Variants in DPY19L4 observed in about 807,000 individuals in gnomAD.
DPY19L4 encodes probable C-mannosyltransferase DPY19L4.
DPY19L4 carries 97 observed loss-of-function variants against 102.8 expected under a neutral mutation model. The ratio of observed to expected loss-of-function variants is 0.94; its 90% CI spans 0.80 to 1.12. The LOEUF (loss-of-function observed/expected upper bound fraction) is 1.12, where lower values mean the gene tolerates loss of function less well. DPY19L4 is among the 50% of genes most tolerant of loss of function. The pLI, the probability that DPY19L4 is intolerant of heterozygous loss-of-function variation, is 0.00. For missense variants in DPY19L4, 815 were observed against 850.4 expected (o/e 0.96, Z 0.52); for synonymous variants, 252 against 283.1 (o/e 0.89, Z 1.10).
At chr8:94,737,151 G>A (rs1490702415) in intron 3 of DPY19L4, among the ~76,000 whole-genome samples, 1 of 152,062 alleles carries the variant, frequency 6.6e-6, no homozygotes, top group Non-Finnish European at 1.5e-5. Flanking sequence ...TGGAAGGTGA[G>A]GAGGGAGACA....
chr8:94,770,237 C>T (rs1200790866), intron 12 of DPY19L4, among the ~76,000 whole-genome samples: 1 of 152,046 alleles, frequency 6.6e-6, no homozygotes, highest in African/African-American at 2.4e-5. Context: ...AGTTTGTTGT[C>T]TTCAGGTTCT....
chr8:94,748,477 T>A (rs1167520663), intron 6 of DPY19L4, among the ~76,000 whole-genome samples: 3 of 152,090 alleles, frequency 2.0e-5, no homozygotes, highest in Admixed American at 6.6e-5. Flanking sequence ...TTCAAAAAAA[T>A]TTTTTGGGAT....
chr8:94,742,163 C>T (rs548195250), intron 6 of DPY19L4, among the ~76,000 whole-genome samples: 8 of 152,110 alleles, frequency 5.3e-5, no homozygotes, highest in African/African-American at 1.4e-4. Flanking sequence ...TAGAGACCAT[C>T]CTGGCTAACA....
intron 6 of DPY19L4, among the ~76,000 whole-genome samples, chr8:94,741,589 GTTCTC>G (rs1811446281): frequency 6.6e-6 from 1 of 152,080 alleles, no homozygotes; most frequent in Admixed American, 6.6e-5. Flanking sequence ...TGATTCTGGT[GTTCTC>G]TTTTCTAAGC....
intron 17 of DPY19L4, among the ~76,000 whole-genome samples, chr8:94,785,655 T>C (rs561708087): frequency 1.3e-5 from 2 of 152,146 alleles, no homozygotes; most frequent in Non-Finnish European, 2.9e-5. Flanking sequence ...GGAGAGTTAA[T>C]TATGGTCATG....
chr8:94,788,183 A>G, intron 18 of DPY19L4, 131 bp downstream of exon 18: 1 of 419,852 alleles, frequency 2.4e-6, no homozygotes, highest in Non-Finnish European at 3.5e-6. Flanking sequence ...GTTATGTAAT[A>G]ATGGGGAAAG....
chr8:94,721,999 C>A (rs1169459028), intron 1 of DPY19L4, among the ~76,000 whole-genome samples: 2 of 152,038 alleles, frequency 1.3e-5, no homozygotes, highest in East Asian at 3.9e-4. Context: ...GTCCCAGCTA[C>A]TCAGGAGGCT....
chr8:94,774,300 A>G (rs6996787), intron 13 of DPY19L4, among the ~76,000 whole-genome samples: 18,514 of 151,022 alleles, frequency 0.12, 1,267 homozygotes, highest in Non-Finnish European at 0.15. Flanking sequence ...TCCCACCTCA[A>G]CCTCCCAAAG....
intron 14 of DPY19L4, 89 bp from the exon 15 acceptor site, chr8:94,780,270 T>G (rs926641229): frequency 2.0e-6 from 2 of 1,006,992 alleles, no homozygotes; most frequent in African/African-American, 1.6e-5. Context: ...TATAGAGATA[T>G]ATGATTGGTC....
In DPY19L4 at chr8:94,726,414, A is replaced by G. The variant is rs1205107026; in HGVS notation, c.100A>G (p.Ile34Val). The change falls in exon 2 of 19, where the codon ATT becomes GTT. Residue 34 changes from isoleucine (I) to valine (V), a missense_variant. Transcript: ENST00000414645. ...TGCCAAAGAAGAGAAAATCAGTGAC[A>G]TTCCAATTCCTGAAAGAGCTCCAAA... is the stretch of plus-strand genomic sequence containing the variant. ...ESAKEEKISD[I>V]PIPERAPKHV... 3.7e-6 allele frequency: 6 copies of G among 1,609,408 alleles called. No individual in the cohort carries two copies. In the Admixed American group the frequency reaches 5.1e-5, roughly 14 times the overall value.
At chr8:94,750,148 G>T (rs1363956009) in intron 6 of DPY19L4, among the ~76,000 whole-genome samples, 2 of 152,260 alleles carry the variant, frequency 1.3e-5, no homozygotes, top group East Asian at 3.9e-4. Flanking sequence ...TAGAGATGGG[G>T]TTTCATCATG....
At chr8:94,772,863 A>G (rs1812991171) in intron 13 of DPY19L4, among the ~76,000 whole-genome samples, 1 of 152,222 alleles carries the variant, frequency 6.6e-6, no homozygotes, top group Non-Finnish European at 1.5e-5. Flanking sequence ...TTTTTAGGCA[A>G]GGTTAATCCT....
In DPY19L4 at chr8:94,738,348, A is replaced by G. The variant is rs201216457; in HGVS notation, c.253-21A>G. On this transcript the variant is annotated intron_variant, in intron 3 of 18. Transcript: ENST00000414645. ...AAAAAAAAAAAATTAAATTTTAAAT[A>G]ATAATTTCATTTTCTTTTAGGAGCT... is the stretch of plus-strand genomic sequence containing the variant. 47 of 1,402,118 alleles carry G rather than the reference A, an allele frequency of 3.4e-5. No individual in the cohort carries two copies. In the Admixed American group the frequency reaches 1.1e-3, roughly 34 times the overall value. The allele number at this position is 1,402,118 out of a possible 1,614,324, so 86.9% of individuals were successfully genotyped here.
intron 13 of DPY19L4, 46 bp from the exon 14 acceptor site, chr8:94,777,617 AATG>A: frequency 6.4e-7 from 1 of 1,566,256 alleles, no homozygotes; most frequent in Non-Finnish European, 8.7e-7. Flanking sequence ...ATTAGATAAT[AATG>A]ATGTTCACAG....
At chr8:94,739,847 G>C in intron 6 of DPY19L4, 57 bp downstream of exon 6, 1 of 1,583,776 alleles carries the variant, frequency 6.3e-7, no homozygotes, top group Non-Finnish European at 8.5e-7. Flanking sequence ...AGTAGTCAGA[G>C]TTCTGAAAAT....
At chr8:94,771,596 A>G (rs7459539) in intron 13 of DPY19L4, among the ~76,000 whole-genome samples, 17,705 of 152,284 alleles carry the variant, frequency 0.12, 1,182 homozygotes, top group Non-Finnish European at 0.15. Flanking sequence ...TAAAGAGATC[A>G]GAAAAGTTCT....
intron 8 of DPY19L4, among the ~76,000 whole-genome samples, chr8:94,762,319 G>A (rs966096081): frequency 2.0e-5 from 3 of 152,036 alleles, no homozygotes; most frequent in African/African-American, 4.8e-5. Flanking sequence ...AGCTGCATCC[G>A]GTGCTTCCAT....
At chr8:94,755,903 G>T in intron 6 of DPY19L4, 133 bp from the exon 7 acceptor site, 2 of 901,412 alleles carry the variant, frequency 2.2e-6, no homozygotes, top group Non-Finnish European at 1.6e-6. Context: ...AAAGGACAAT[G>T]GTGGATCTGG....
intron 13 of DPY19L4, among the ~76,000 whole-genome samples, chr8:94,774,604 G>A (rs1383789807): frequency 2.1e-5 from 3 of 143,006 alleles, no homozygotes; most frequent in Non-Finnish European, 3.0e-5. Flanking sequence ...TTGAGATGGA[G>A]TTTCACCTTG....
Sources: gnomAD v4.1 joint callset for allele counts (sites outside exome capture counted in the v4.1 genomes callset) on GRCh38, gnomAD v4.1.1 for gene constraint, MANE v1.5 for transcripts, NCBI Gene and HGNC (gene_info 2026-07-23, HGNC 2026-07-21) for gene names.